The following EYA1 variants were observed in gnomAD, a reference collection of about 807,000 sequenced individuals.
EYA1 encodes protein phosphatase EYA1.
A neutral mutation model predicts 82.0 loss-of-function variants in EYA1; 16 were observed. The observed-to-expected ratio is 0.20, with a 90% CI of 0.13 to 0.30. EYA1 has a LOEUF of 0.30. Ranked by LOEUF, EYA1 falls within the 10% of genes least tolerant of loss-of-function variation. EYA1 has a pLI of 1.00. For missense variants in EYA1, 633 were observed against 730.7 expected, an observed-to-expected ratio of 0.87 and a Z score of 1.54; for synonymous variants, 261 against 264.4, an observed-to-expected ratio of 0.99 and a Z score of 0.12.
chr8:71,431,503 C>CA (rs1195300554), intron 2 of EYA1, among the ~76,000 whole-genome samples: 4 of 151,786 alleles, frequency 2.6e-5, no homozygotes, highest in East Asian at 1.9e-4. Flanking sequence ...CCTCCCTCTT[C>CA]AAAAAAAGAA....
intron 10 of EYA1, 139 bp from the exon 11 acceptor site, chr8:71,269,962 C>G: frequency 1.4e-6 from 1 of 719,518 alleles, no homozygotes; most frequent in Non-Finnish European, 2.5e-6. Flanking sequence ...AAAAACACAA[C>G]TGTTTCAAAG....
intron 7 of EYA1, among the ~76,000 whole-genome samples, chr8:71,316,720 C>A (rs1821966892): frequency 6.6e-6 from 1 of 152,112 alleles, no homozygotes; most frequent in Non-Finnish European, 1.5e-5. Context: ...AAAAAGAGAT[C>A]ATCAGGGATT....
At chr8:71,287,909 T>A (rs532709647) in intron 9 of EYA1, among the ~76,000 whole-genome samples, 2 of 152,344 alleles carry the variant, frequency 1.3e-5, no homozygotes, top group South Asian at 4.1e-4. Flanking sequence ...TTCATTCTCA[T>A]AGTCATCCTA....
At chr8:71,234,090 C>A (rs914928294) in intron 12 of EYA1, among the ~76,000 whole-genome samples, 4 of 152,184 alleles carry the variant, frequency 2.6e-5, no homozygotes, top group African/African-American at 9.6e-5. Context: ...ACTGTACCTG[C>A]AGACTCTACC....
chr8:71,199,963 T>A (rs939935079), intron 17 of EYA1: 1 of 156,238 alleles, frequency 6.4e-6, no homozygotes, highest in African/African-American at 2.4e-5. Flanking sequence ...CTAACGTTGT[T>A]TTTTTTGTTT....
intron 17 of EYA1, among the ~76,000 whole-genome samples, chr8:71,203,545 T>C (rs754873750): frequency 6.6e-6 from 1 of 152,026 alleles, no homozygotes; most frequent in African/African-American, 2.4e-5. Context: ...GGTTCCCAGT[T>C]AGGAGGAGTA....
At chr8:71,443,230 AT>A (rs1260891195) in intron 2 of EYA1, among the ~76,000 whole-genome samples, 3 of 152,168 alleles carry the variant, frequency 2.0e-5, no homozygotes, top group Non-Finnish European at 2.9e-5. Flanking sequence ...CAGTTCTACA[AT>A]GTCTAGCTGG....
intron 9 of EYA1, among the ~76,000 whole-genome samples, chr8:71,292,204 G>A (rs910867012): frequency 2.0e-5 from 3 of 151,922 alleles, no homozygotes; most frequent in South Asian, 2.1e-4. Context: ...AAGCTTTTAC[G>A]ATCAGTACAA....
chr8:71,492,879 C>T (rs1437919096), intron 2 of EYA1, among the ~76,000 whole-genome samples: 4 of 152,144 alleles, frequency 2.6e-5, no homozygotes, highest in Admixed American at 2.6e-4. Flanking sequence ...AGCCTAGTAC[C>T]CATTAGTTGT....
chr8:71,366,437 C>CT (rs1827760642), upstream of EYA1, among the ~76,000 whole-genome samples: 1 of 152,126 alleles, frequency 6.6e-6, no homozygotes. Context: ...AAATGGGTTT[C>CT]TGTTGACATG....
chr8:71,532,802 C>T (rs1025570943), intron 2 of EYA1, among the ~76,000 whole-genome samples: 2 of 152,104 alleles, frequency 1.3e-5, no homozygotes, highest in Non-Finnish European at 1.5e-5. Flanking sequence ...AATAATAAAG[C>T]TGGAAAGGAC....
At chr8:71,395,967 G>C (rs1183495676) in intron 2 of EYA1, among the ~76,000 whole-genome samples, 1 of 152,184 alleles carries the variant, frequency 6.6e-6, no homozygotes, top group African/African-American at 2.4e-5. Context: ...CTCAATTTAA[G>C]AACCTGTAAT....
chr8:71,294,882 A>T (rs1413900884), intron 9 of EYA1, among the ~76,000 whole-genome samples: 1 of 152,202 alleles, frequency 6.6e-6, no homozygotes, highest in African/African-American at 2.4e-5. Flanking sequence ...TATTGGTGAA[A>T]AAATAGACAA....
chr8:71,216,908 A>G, intron 13 of EYA1, 56 bp from the exon 14 acceptor site: 2 of 1,611,478 alleles, frequency 1.2e-6, no homozygotes, highest in Admixed American at 1.7e-5. Context: ...CATCTTAATT[A>G]GGTAAGTAAT....
chr8:71,543,849 G>T (rs1387008621), intron 1 of EYA1, among the ~76,000 whole-genome samples: 2 of 152,038 alleles, frequency 1.3e-5, no homozygotes, highest in African/African-American at 4.8e-5. Context: ...AATTTTTTTA[G>T]TATTTAATCA....
At chr8:71,364,967 TATATATATATATATATATAC>T (rs1827662134), upstream of EYA1, among the ~76,000 whole-genome samples, 1 of 131,822 alleles carries the variant, frequency 7.6e-6, no homozygotes, top group Non-Finnish European at 1.6e-5. Flanking sequence ...TATATATATA[TATATATATATATATATATAC>T]ATATACACAC....
chr8:71,258,139 T>C (rs1207631250), intron 11 of EYA1, among the ~76,000 whole-genome samples: 1 of 152,184 alleles, frequency 6.6e-6, no homozygotes, highest in Non-Finnish European at 1.5e-5. Context: ...GATTCATCCA[T>C]CCCCTACCAA....
chr8:71,496,911 A>G (rs1180763327), intron 2 of EYA1, among the ~76,000 whole-genome samples: 1 of 79,706 alleles, frequency 1.3e-5, no homozygotes, highest in Non-Finnish European at 2.1e-5. Flanking sequence ...TAAACTGTCT[A>G]AGAAAAAAAA....
At chr8:71,369,032 CAAAAAAAA>C (rs60647486) in intron 2 of EYA1, among the ~76,000 whole-genome samples, 3,033 of 112,834 alleles carry the variant, frequency 0.027, 58 homozygotes, top group Non-Finnish European at 0.04. Flanking sequence ...ACTAAAAATA[CAAAAAAAA>C]AAAAAAAAAA....
Sources: gnomAD v4.1 joint callset for allele counts (sites outside exome capture counted in the v4.1 genomes callset) on GRCh38, gnomAD v4.1.1 for gene constraint, MANE v1.5 for transcripts, NCBI Gene and HGNC (gene_info 2026-07-23, HGNC 2026-07-21) for gene names.